Variants in TTC7A observed in about 807,000 individuals in gnomAD.
TTC7A encodes tetratricopeptide repeat domain 7A.
TTC7A carries 110 observed loss-of-function variants against 103.7 expected under a neutral mutation model. The observed-to-expected ratio is 1.06, with a 90% CI of 0.91 to 1.24. TTC7A has a LOEUF of 1.24. Among genes scored for constraint, TTC7A ranks in the 50% most tolerant of loss-of-function variants. The pLI is 0.00. For synonymous variants in TTC7A, 521 were observed against 467.9 expected (o/e 1.11, Z -1.47); for missense variants, 1,340 against 1,116.3 (o/e 1.20, Z -2.86).
intron 15 of TTC7A, among the ~76,000 whole-genome samples, chr2:47,037,143 A>T (rs1225440280): frequency 2.6e-5 from 4 of 152,122 alleles, no homozygotes. Flanking sequence ...TTGTCCCCGG[A>T]GCCCCTGTAC....
At chr2:46,980,459 G>A (rs1353154445) in intron 5 of TTC7A, among the ~76,000 whole-genome samples, 2 of 151,990 alleles carry the variant, frequency 1.3e-5, no homozygotes, top group Non-Finnish European at 1.5e-5. Flanking sequence ...TGATCCTCCC[G>A]CTTCAGCCTT....
upstream of TTC7A, among the ~76,000 whole-genome samples, chr2:46,936,784 C>T (rs112943719): frequency 5.5e-4 from 84 of 152,104 alleles, 1 homozygote; most frequent in Middle Eastern, 3.4e-3. Flanking sequence ...GCAAAGTGAA[C>T]ACAATTCCAA....
chr2:47,029,747 G>A (rs1385624858), intron 15 of TTC7A, among the ~76,000 whole-genome samples: 1 of 152,214 alleles, frequency 6.6e-6, no homozygotes, highest in East Asian at 1.9e-4. Flanking sequence ...GTTAATCATA[G>A]CCCTGACACA....
chr2:47,051,743 C>A lies in TTC7A; in HGVS notation c.2018-3C>A. On this transcript the variant is annotated splice_polypyrimidine_tract_variant and splice_region_variant and intron_variant, in intron 17 of 19. Transcript: ENST00000319190. Reference sequence around the variant, plus strand: ...GCTCGGCTCGTGCCCTCTTGCTCTGCAGGCTCCCGGCGGGCTTCGTCCATC... The same window carrying A: ...GCTCGGCTCGTGCCCTCTTGCTCTGAAGGCTCCCGGCGGGCTTCGTCCATC... 6.2e-7 allele frequency: 1 copy of A among 1,608,398 alleles called. No individual in the cohort carries two copies. Among genetic ancestry groups the A allele is most frequent in the Non-Finnish European group, 8.5e-7 (1 of 1,177,982 alleles).
chr2:46,958,467 C>T lies in TTC7A; in HGVS notation c.517+1460C>T. On this transcript the variant is annotated intron_variant, in intron 3 of 19. Transcript: ENST00000319190. ...GAGCCTGGCTCAGGATGGATTGCCC[C>T]CTGTCTCCTGCTCTCTCCTCTTTCC... 3 of 1,303,560 alleles carry T rather than the reference C, an allele frequency of 2.3e-6. No homozygotes were observed. In the African/African-American group the frequency reaches 4.5e-5, roughly 20 times the overall value. The allele number at this position is 1,303,560 out of a possible 1,614,324, so 80.7% of individuals were successfully genotyped here.
intron 5 of TTC7A, among the ~76,000 whole-genome samples, chr2:46,988,732 G>A (rs1675299332): frequency 6.6e-6 from 1 of 152,196 alleles, no homozygotes; most frequent in Admixed American, 6.5e-5. Flanking sequence ...AGGAGTTCTG[G>A]AGTTCACATG....
intron 1 of TTC7A, among the ~76,000 whole-genome samples, chr2:46,947,513 C>T (rs1319628181): frequency 2.0e-5 from 3 of 152,044 alleles, no homozygotes; most frequent in African/African-American, 7.2e-5. Context: ...CCCAGGAGTT[C>T]GAGACCAGCC....
At chr2:46,997,519 A>G (rs1676333539) in intron 8 of TTC7A, among the ~76,000 whole-genome samples, 1 of 152,206 alleles carries the variant, frequency 6.6e-6, no homozygotes, top group Non-Finnish European at 1.5e-5. Flanking sequence ...CATCTTACAG[A>G]TGACAAAAGT....
chr2:46,938,509 T>C (rs570924272), upstream of TTC7A, among the ~76,000 whole-genome samples: 1 of 152,306 alleles, frequency 6.6e-6, no homozygotes, highest in East Asian at 1.9e-4. Flanking sequence ...AAGGGATTCA[T>C]TGTGTGAATG....
intron 15 of TTC7A, among the ~76,000 whole-genome samples, chr2:47,037,793 C>T (rs1309387048): frequency 6.6e-6 from 1 of 152,208 alleles, no homozygotes; most frequent in African/African-American, 2.4e-5. Context: ...CCTAAGTAAG[C>T]ACCTGCACGT....
chr2:46,943,930 A>C (rs1670695444), intron 1 of TTC7A, among the ~76,000 whole-genome samples: 1 of 152,204 alleles, frequency 6.6e-6, no homozygotes, highest in South Asian at 2.1e-4. Flanking sequence ...GGGAGGCAGA[A>C]AGGGAAGATG....
At chr2:47,038,611 A>T (rs1474734150) in intron 15 of TTC7A, among the ~76,000 whole-genome samples, 2 of 150,786 alleles carry the variant, frequency 1.3e-5, no homozygotes, top group Non-Finnish European at 3.0e-5. Flanking sequence ...CTATGCATTC[A>T]CTACACCTGC....
chr2:47,046,721 A>G (rs1479677770), intron 16 of TTC7A: 6 of 413,854 alleles, frequency 1.4e-5, no homozygotes, highest in Non-Finnish European at 2.2e-5. Context: ...TTGTTCCTTT[A>G]TCTTACACCT....
intron 2 of TTC7A, among the ~76,000 whole-genome samples, chr2:46,928,790 T>C (rs1320304902): frequency 6.6e-6 from 1 of 151,332 alleles, no homozygotes; most frequent in Non-Finnish European, 1.5e-5. Context: ...AGTCCCACGT[T>C]TGAAATCATA....
At chr2:47,050,650 T>A (rs1682781896) in intron 17 of TTC7A, 1 of 152,912 alleles carries the variant, frequency 6.5e-6, no homozygotes. Flanking sequence ...CATGAGCCTT[T>A]CTGTGGACAA....
intron 19 of TTC7A, among the ~76,000 whole-genome samples, chr2:47,063,797 C>T (rs765725627): frequency 1.3e-5 from 2 of 152,210 alleles, no homozygotes; most frequent in Admixed American, 6.5e-5. Flanking sequence ...CCTCTGAGGT[C>T]GTGGGTGAGT....
chr2:46,974,107 C>G (rs753651390), intron 3 of TTC7A, among the ~76,000 whole-genome samples: 3 of 152,212 alleles, frequency 2.0e-5, no homozygotes, highest in Non-Finnish European at 4.4e-5. Context: ...AAATGCAGTT[C>G]AGTCACTCGC....
intron 2 of TTC7A, among the ~76,000 whole-genome samples, chr2:46,931,413 C>G (rs1669694002): frequency 1.3e-5 from 2 of 152,220 alleles, no homozygotes; most frequent in South Asian, 4.1e-4. Context: ...GCAAAAAGGA[C>G]TTTGCAGAGG....
At chr2:47,010,568 G>C (rs569347862) in intron 10 of TTC7A, among the ~76,000 whole-genome samples, 1 of 152,054 alleles carries the variant, frequency 6.6e-6, no homozygotes, top group Admixed American at 6.6e-5. Context: ...AGCCTGGGGG[G>C]ATCCTCAGAT....
Sources: gnomAD v4.1 joint callset for allele counts (sites outside exome capture counted in the v4.1 genomes callset) on GRCh38, gnomAD v4.1.1 for gene constraint, MANE v1.5 for transcripts, NCBI Gene and HGNC (gene_info 2026-07-23, HGNC 2026-07-21) for gene names.